The following GXYLT2 variants were observed in gnomAD, a reference collection of about 807,000 sequenced individuals.
The protein encoded by GXYLT2 is glycosyltransferase 8 domain containing 4.
A neutral mutation model predicts 45.8 loss-of-function variants in GXYLT2; 53 were observed. The ratio of observed to expected loss-of-function variants is 1.16; its 90% CI spans 0.93 to 1.46. The LOEUF (loss-of-function observed/expected upper bound fraction) is 1.46, where lower values mean the gene tolerates loss of function less well. Among genes scored for constraint, GXYLT2 ranks in the 40% most tolerant of loss-of-function variants. The pLI, the probability that GXYLT2 is intolerant of heterozygous loss-of-function variation, is 0.00. For synonymous variants in GXYLT2, 219 were observed against 214.2 expected (o/e 1.02, Z -0.19); for missense variants, 551 against 544.4 (o/e 1.01, Z -0.12).
At chr3:72,926,884 AGGTTATGATAAT>A (rs772333430) in intron 3 of GXYLT2, 1 of 152,236 alleles carries the variant, frequency 6.6e-6, no homozygotes, top group Non-Finnish European at 1.5e-5. Flanking sequence ...ATAAGCTCCA[AGGTTATGATAAT>A]GTCTGATGTC....
intron 1 of GXYLT2, among the ~76,000 whole-genome samples, chr3:72,898,357 T>C (rs1358301562): frequency 6.6e-6 from 1 of 152,202 alleles, no homozygotes; most frequent in African/African-American, 2.4e-5. Context: ...CTCCCTCGTA[T>C]GTCAACAGCC....
intron 1 of GXYLT2, among the ~76,000 whole-genome samples, chr3:72,895,225 C>T (rs1559723997): frequency 6.6e-6 from 1 of 152,134 alleles, no homozygotes; most frequent in African/African-American, 2.4e-5. Flanking sequence ...GCAGAGCAAC[C>T]CAGATGGGGT....
At chr3:72,956,108 G>A (rs1317117462) in intron 4 of GXYLT2, among the ~76,000 whole-genome samples, 1 of 152,056 alleles carries the variant, frequency 6.6e-6, no homozygotes, top group Non-Finnish European at 1.5e-5. Flanking sequence ...AGAATTAATG[G>A]GGCATGGTGT....
intron 1 of GXYLT2, among the ~76,000 whole-genome samples, chr3:72,891,857 G>T (rs1575771463): frequency 6.6e-6 from 1 of 152,170 alleles, no homozygotes; most frequent in African/African-American, 2.4e-5. Context: ...ACCATGATGG[G>T]CTGCCTCATT....
At chr3:72,970,616 T>C (rs1710970453) in intron 6 of GXYLT2, among the ~76,000 whole-genome samples, 1 of 152,022 alleles carries the variant, frequency 6.6e-6, no homozygotes, top group Non-Finnish European at 1.5e-5. Flanking sequence ...TCCCAGCACT[T>C]TGGGAGGCCG....
At chr3:72,922,444 T>C (rs903761185) in intron 3 of GXYLT2, 109 bp downstream of exon 3, 5 of 1,119,666 alleles carry the variant, frequency 4.5e-6, no homozygotes, top group African/African-American at 3.2e-5. Context: ...CCTGTGTCTC[T>C]TGGATTCTGG....
chr3:72,929,010 G>A (rs1334741897), intron 3 of GXYLT2: 6 of 1,305,496 alleles, frequency 4.6e-6, no homozygotes, highest in African/African-American at 1.5e-5. Flanking sequence ...CCAGCGCCGC[G>A]CAGCCACCGC....
intron 2 of GXYLT2, among the ~76,000 whole-genome samples, chr3:72,912,764 G>A (rs577564046): frequency 1.2e-3 from 187 of 152,290 alleles, no homozygotes; most frequent in African/African-American, 4.2e-3. Context: ...TTCCAGCTGA[G>A]GCCCCAGACA....
chr3:72,939,509 C>A (rs1710258861), intron 3 of GXYLT2, among the ~76,000 whole-genome samples: 1 of 152,136 alleles, frequency 6.6e-6, no homozygotes, highest in Non-Finnish European at 1.5e-5. Flanking sequence ...ATTCATTATT[C>A]TCTAAACTAT....
intron 2 of GXYLT2, among the ~76,000 whole-genome samples, chr3:72,921,463 C>A (rs1052200895): frequency 6.6e-6 from 1 of 152,060 alleles, no homozygotes; most frequent in Admixed American, 6.6e-5. Context: ...GACACAGTCT[C>A]GCTCTGTCAC....
intron 1 of GXYLT2, among the ~76,000 whole-genome samples, chr3:72,904,645 A>T (rs540578197): frequency 1.9e-4 from 26 of 134,274 alleles, no homozygotes; most frequent in African/African-American, 6.1e-4. Context: ...TTTTTTAATT[A>T]AAAAAAAAAA....
rs1710915036 is a variant in GXYLT2, at chr3:72,968,477, A to C, written c.1149+758A>C. 2.6e-5 allele frequency among the ~76,000 whole-genome samples: 4 copies of C among 152,256 alleles called. No individual in the cohort carries two copies. The South Asian group carries it at 8.3e-4, about 31-fold the overall frequency. On this transcript the variant is annotated intron_variant, in intron 6 of 6. Coordinates refer to ENST00000389617, the MANE Select transcript of GXYLT2 (RefSeq NM_001080393.2). ...AGGAGCCAAACTAAAAGTAACAATC[A>C]AGCCTTTATTTGCTTAACTGCAGAA...
intron 1 of GXYLT2, among the ~76,000 whole-genome samples, chr3:72,890,492 G>C (rs924173671): frequency 6.6e-6 from 1 of 152,234 alleles, no homozygotes; most frequent in Non-Finnish European, 1.5e-5. Flanking sequence ...TTTGTCCAAG[G>C]TTCACAGGTA....
chr3:72,927,430 T>C (rs898436404), intron 3 of GXYLT2, among the ~76,000 whole-genome samples: 1 of 152,206 alleles, frequency 6.6e-6, no homozygotes, highest in African/African-American at 2.4e-5. Flanking sequence ...AAGAGACCGG[T>C]AACTGGTTCT....
intron 3 of GXYLT2, among the ~76,000 whole-genome samples, chr3:72,951,158 T>C (rs571288048): frequency 2.0e-5 from 3 of 152,272 alleles, no homozygotes; most frequent in Admixed American, 2.0e-4. Flanking sequence ...GCTGCAGAAT[T>C]AGCCTCTAGA....
intron 6 of GXYLT2, among the ~76,000 whole-genome samples, chr3:72,972,640 C>CG (rs1362947031): frequency 1.8e-3 from 56 of 30,496 alleles, no homozygotes; most frequent in African/African-American, 0.013. Flanking sequence ...GACTCTGTCT[C>CG]GGAAAAAAAA....
At chr3:72,957,391 C>T (rs1470419167) in intron 5 of GXYLT2, 39 bp downstream of exon 5, 2 of 1,554,420 alleles carry the variant, frequency 1.3e-6, no homozygotes, top group South Asian at 1.2e-5. Flanking sequence ...TGTAGGAGTA[C>T]ACTCAGCACA....
chr3:72,899,667 C>A (rs1250551120), intron 1 of GXYLT2, among the ~76,000 whole-genome samples: 3 of 152,116 alleles, frequency 2.0e-5, no homozygotes, highest in East Asian at 1.9e-4. Flanking sequence ...CTATAATTAT[C>A]CATCGCCGGA....
At position 72,912,011 on chromosome 3, in the gene GXYLT2, A is replaced by ATTTT. The variant is rs1235800748; in HGVS notation, c.468+3453_468+3454insTTTT. 7.0e-3 allele frequency among the ~76,000 whole-genome samples: 807 copies of ATTTT among 115,436 alleles called. 12 individuals are homozygous for ATTTT. Among genetic ancestry groups the ATTTT allele is most frequent in the African/African-American group, 0.032 (720 of 22,568 alleles). 75.7% of individuals were successfully genotyped at this position (115,436 alleles called of 152,430 possible). On this transcript the variant is annotated intron_variant, in intron 2 of 6. Transcript: ENST00000389617. ...TGTGTGTGTATATATATATATATAT[A>ATTTT]TATTTTTTTTTTTTTTTGAGACAGC...
Sources: gnomAD v4.1 joint callset for allele counts (sites outside exome capture counted in the v4.1 genomes callset) on GRCh38, gnomAD v4.1.1 for gene constraint, MANE v1.5 for transcripts, NCBI Gene and HGNC (gene_info 2026-07-23, HGNC 2026-07-21) for gene names.